SLC24A4: variants seen among roughly 807,000 people sequenced by gnomAD.
SLC24A4 encodes sodium/potassium/calcium exchanger 4.
A neutral mutation model predicts 79.0 loss-of-function variants in SLC24A4; 53 were observed. The ratio of observed to expected loss-of-function variants is 0.67; its 90% CI spans 0.54 to 0.84. The LOEUF is 0.84. Ranked by LOEUF, SLC24A4 falls within the 40% of genes least tolerant of loss-of-function variation. The pLI is 0.00. For synonymous variants in SLC24A4, 323 were observed against 323.8 expected, an observed-to-expected ratio of 1.00 and a Z score of 0.03; for missense variants, 731 against 822.0, an observed-to-expected ratio of 0.89 and a Z score of 1.35.
At chr14:92,400,039 G>A (rs1354307530) in intron 2 of SLC24A4, among the ~76,000 whole-genome samples, 1 of 152,160 alleles carries the variant, frequency 6.6e-6, no homozygotes, top group East Asian at 1.9e-4. Context: ...ACAGGCGTGA[G>A]CAACTGTGCC....
chr14:92,365,924 T>A (rs530089181), intron 2 of SLC24A4, among the ~76,000 whole-genome samples: 2 of 152,210 alleles, frequency 1.3e-5, no homozygotes, highest in Non-Finnish European at 2.9e-5. Flanking sequence ...CACTCCATGC[T>A]GCGTGTACTA....
At chr14:92,343,673 C>T (rs920261246) in intron 2 of SLC24A4, among the ~76,000 whole-genome samples, 31 of 131,026 alleles carry the variant, frequency 2.4e-4, no homozygotes, top group African/African-American at 8.7e-4. Flanking sequence ...TCCTTCCTTC[C>T]TTCCTTCCTT....
chr14:92,477,762 C>T (rs971343349), intron 12 of SLC24A4, among the ~76,000 whole-genome samples: 2 of 143,962 alleles, frequency 1.4e-5, no homozygotes, highest in Non-Finnish European at 3.0e-5. Flanking sequence ...CCTTTCTTTC[C>T]TTTTTTTCTT....
intron 2 of SLC24A4, among the ~76,000 whole-genome samples, chr14:92,406,407 C>T (rs1043968304): frequency 6.6e-6 from 1 of 152,202 alleles, no homozygotes; most frequent in Non-Finnish European, 1.5e-5. Context: ...AGGTAGTGCT[C>T]CAGTTTGGAC....
chr14:92,423,012 T>C (rs565961203), intron 2 of SLC24A4, among the ~76,000 whole-genome samples: 23 of 152,304 alleles, frequency 1.5e-4, no homozygotes, highest in African/African-American at 5.1e-4. Context: ...GCTTTTGCCA[T>C]GTTGTCCAGT....
In SLC24A4 at chr14:92,501,401, C is replaced by T. The variant is rs1463625343; in HGVS notation, c.*7773C>T. ...AAAATCTACAGCAATCTAAACTAAA[C>T]CTTTCTAAGAAATCTAGCAGTCAGT... On this transcript the variant is annotated 3_prime_UTR_variant, in exon 17 of 17. Coordinates refer to ENST00000532405, the MANE Select transcript of SLC24A4 (RefSeq NM_153646.4). 6.6e-6 allele frequency: 1 copy of T among 152,182 alleles called. No homozygotes were observed. The highest frequency in any genetic ancestry group is 2.4e-5 in the African/African-American group (1 of 41,438). The allele number at this position is 152,182 out of a possible 1,614,324, so 9.4% of individuals were successfully genotyped here.
At chr14:92,387,933 G>A (rs978188391) in intron 2 of SLC24A4, among the ~76,000 whole-genome samples, 14 of 152,204 alleles carry the variant, frequency 9.2e-5, no homozygotes, top group African/African-American at 3.4e-4. Flanking sequence ...ACATTCTGTG[G>A]ATCCATTCAT....
At chr14:92,352,324 G>A (rs1158496696) in intron 2 of SLC24A4, among the ~76,000 whole-genome samples, 2 of 152,178 alleles carry the variant, frequency 1.3e-5, no homozygotes, top group African/African-American at 4.8e-5. Flanking sequence ...AGAGAGAGAT[G>A]GATGAGGGGA....
At chr14:92,483,424 C>T (rs1031634187) in intron 13 of SLC24A4, among the ~76,000 whole-genome samples, 2 of 152,204 alleles carry the variant, frequency 1.3e-5, no homozygotes, top group Admixed American at 1.3e-4. Context: ...CAAGGTTACA[C>T]AGTTAGTGAG....
intron 14 of SLC24A4, among the ~76,000 whole-genome samples, chr14:92,487,499 G>A (rs1017859455): frequency 5.3e-5 from 8 of 152,176 alleles, no homozygotes; most frequent in East Asian, 1.9e-4. Flanking sequence ...GAGACAGGAC[G>A]TGTTATTCCT....
At chr14:92,397,738 AT>A (rs937191966) in intron 2 of SLC24A4, among the ~76,000 whole-genome samples, 106 of 152,252 alleles carry the variant, frequency 7.0e-4, no homozygotes, top group African/African-American at 2.4e-3. Context: ...AACGAATAAG[AT>A]TTCTGCAAGT....
At chr14:92,474,863 ATTT>A (rs34398420) in intron 12 of SLC24A4, among the ~76,000 whole-genome samples, 13 of 57,118 alleles carry the variant, frequency 2.3e-4, no homozygotes, top group African/African-American at 7.8e-4. Flanking sequence ...ATATATATAT[ATTT>A]TTTTTTTTTT....
intron 2 of SLC24A4, among the ~76,000 whole-genome samples, chr14:92,342,827 T>C (rs2141621734): frequency 6.6e-6 from 1 of 152,378 alleles, no homozygotes; most frequent in African/African-American, 2.4e-5. Flanking sequence ...CTCCCACTTT[T>C]TGGATCTGGC....
At chr14:92,384,689 A>G (rs920077500) in intron 2 of SLC24A4, among the ~76,000 whole-genome samples, 2 of 152,192 alleles carry the variant, frequency 1.3e-5, no homozygotes, top group Admixed American at 1.3e-4. Context: ...GAGGCTTTAA[A>G]TGAGCATTAC....
At chr14:92,386,373 G>A (rs1442734036) in intron 2 of SLC24A4, among the ~76,000 whole-genome samples, 1 of 152,064 alleles carries the variant, frequency 6.6e-6, no homozygotes, top group Non-Finnish European at 1.5e-5. Context: ...ACCTTCTGAG[G>A]TCACAGTGCA....
chr14:92,330,023 C>G (rs1008369396), intron 2 of SLC24A4, among the ~76,000 whole-genome samples: 8 of 152,134 alleles, frequency 5.3e-5, no homozygotes, highest in African/African-American at 1.9e-4. Context: ...GGGTAGGGCC[C>G]AGGAGTCAAT....
chr14:92,474,827 A>ATGTGTGTGTGTGCGTG (rs1484148777), intron 12 of SLC24A4, among the ~76,000 whole-genome samples: 1 of 77,330 alleles, frequency 1.3e-5, no homozygotes, highest in Non-Finnish European at 2.6e-5. Context: ...ATATACATAT[A>ATGTGTGTGTGTGCGTG]TATGTGTGTG....
chr14:92,383,508 C>T (rs1174826336), intron 2 of SLC24A4, among the ~76,000 whole-genome samples: 3 of 152,208 alleles, frequency 2.0e-5, no homozygotes, highest in Non-Finnish European at 2.9e-5. Flanking sequence ...ACCTCCCCTC[C>T]TTTGGAATAT....
intron 5 of SLC24A4, 127 bp from the exon 6 acceptor site, chr14:92,442,586 T>C: frequency 1.5e-6 from 1 of 654,774 alleles, no homozygotes; most frequent in Non-Finnish European, 2.7e-6. Context: ...TCTGCCATTC[T>C]CTTCCGCTTC....
Sources: allele counts gnomAD v4.1 joint callset (sites outside exome capture counted in the v4.1 genomes callset), GRCh38; gene constraint gnomAD v4.1.1; transcripts MANE v1.5; gene names NCBI Gene and HGNC (gene_info 2026-07-23, HGNC 2026-07-21).